Variants in LDAH observed in about 807,000 individuals in gnomAD.
LDAH encodes the protein lipid droplet-associated hydrolase.
A neutral mutation model predicts 29.6 loss-of-function variants in LDAH; 26 were observed. The observed-to-expected ratio is 0.88, with a 90% confidence interval of 0.64 to 1.22. The LOEUF is 1.22. LDAH is among the 50% of genes most tolerant of loss of function. The pLI, the probability that LDAH is intolerant of heterozygous loss-of-function variation, is 0.00. For missense variants in LDAH, 344 were observed against 387.3 expected (o/e 0.89, Z 0.94); for synonymous variants, 117 against 133.0 (o/e 0.88, Z 0.83).
intron 5 of LDAH, among the ~76,000 whole-genome samples, chr2:20,721,638 C>T (rs1665657299): frequency 6.6e-6 from 1 of 151,776 alleles, no homozygotes; most frequent in African/African-American, 2.4e-5. Flanking sequence ...CAAAAAATAA[C>T]AAATGCTGGT....
In LDAH at chr2:20,742,545, G is replaced by A. The variant is rs567327514; in HGVS notation, c.469-2340C>T. On this transcript the variant is annotated intron_variant, in intron 4 of 6. Coordinates refer to ENST00000237822, the MANE Select transcript of LDAH (RefSeq NM_021925.4). ...GGAGGACTGACCTCTTTATCATTAC[G>A]TAATTACCTTTTTTATTCTGGATAA... 1.9e-4 allele frequency among the ~76,000 whole-genome samples: 29 copies of A among 152,248 alleles called. No homozygotes were observed. In the East Asian group the frequency reaches 4.4e-3, roughly 23 times the overall value.
At position 20,775,169 on chromosome 2, in the gene LDAH, CCTTCA is replaced by C. The variant is rs367744668; in HGVS notation, c.299-195_299-191del. 1.4e-3 allele frequency among the ~76,000 whole-genome samples: 207 copies of C among 152,288 alleles called. 3 individuals are homozygous for C. In the South Asian group the frequency reaches 0.038, roughly 28 times the overall value. On this transcript the variant is annotated intron_variant, in intron 3 of 6. Coordinates refer to ENST00000237822, the MANE Select transcript of LDAH (RefSeq NM_021925.4). Reference sequence around the variant, plus strand: ...CAATTTTGGGAAGGAAACATTATAACCTTCACTTGATAGGTGAAAATCCCAATGCT... The same window carrying C: ...CAATTTTGGGAAGGAAACATTATAACCTTGATAGGTGAAAATCCCAATGCT...
intron 1 of LDAH, among the ~76,000 whole-genome samples, chr2:20,822,305 G>A (rs1434817784): frequency 6.6e-6 from 1 of 151,898 alleles, no homozygotes; most frequent in Non-Finnish European, 1.5e-5. Context: ...ATTTATTTAT[G>A]TATTTATTTT....
chr2:20,767,296 C>G (rs1209866465), intron 4 of LDAH, among the ~76,000 whole-genome samples: 3 of 152,112 alleles, frequency 2.0e-5, no homozygotes, highest in Non-Finnish European at 4.4e-5. Flanking sequence ...GGAAGTCCCC[C>G]CTCCCTTGCC....
At chr2:20,746,434 C>G (rs1667572868) in intron 4 of LDAH, among the ~76,000 whole-genome samples, 1 of 152,098 alleles carries the variant, frequency 6.6e-6, no homozygotes, top group Non-Finnish European at 1.5e-5. Context: ...TGGACCAAAA[C>G]AATAAGGAAG....
chr2:20,708,696 C>T (rs974163219), intron 5 of LDAH, among the ~76,000 whole-genome samples: 13 of 152,168 alleles, frequency 8.5e-5, no homozygotes, highest in African/African-American at 2.9e-4. Context: ...TGGATCATAG[C>T]CCTAAATGTA....
chr2:20,737,861 T>C (rs1235724355), intron 5 of LDAH, among the ~76,000 whole-genome samples: 2 of 152,100 alleles, frequency 1.3e-5, no homozygotes, highest in Admixed American at 6.6e-5. Context: ...AGGGAACAAA[T>C]TAATAATGTT....
chr2:20,768,174 G>A (rs938358112), intron 4 of LDAH, among the ~76,000 whole-genome samples: 1 of 152,196 alleles, frequency 6.6e-6, no homozygotes, highest in Non-Finnish European at 1.5e-5. Context: ...GAGTGGCGAG[G>A]CTAAAAGAGC....
chr2:20,706,701 A>T (rs1465358843), intron 5 of LDAH, among the ~76,000 whole-genome samples: 2 of 141,458 alleles, frequency 1.4e-5, no homozygotes, highest in Non-Finnish European at 3.2e-5. Context: ...ATCCTGAAAC[A>T]ACTAAAAAAA....
intron 3 of LDAH, among the ~76,000 whole-genome samples, chr2:20,782,823 G>C (rs1306433539): frequency 6.6e-6 from 1 of 151,686 alleles, no homozygotes; most frequent in Admixed American, 6.6e-5. Flanking sequence ...CAACTTCATT[G>C]ATTTGTGTTC....
intron 4 of LDAH, among the ~76,000 whole-genome samples, chr2:20,748,018 A>G (rs984753108): frequency 2.0e-5 from 3 of 152,168 alleles, no homozygotes; most frequent in African/African-American, 7.2e-5. Context: ...CAATTTTCTT[A>G]TGGTTGAACC....
chr2:20,738,778 C>T (rs1002411789), intron 5 of LDAH, among the ~76,000 whole-genome samples: 1 of 152,094 alleles, frequency 6.6e-6, no homozygotes, highest in African/African-American at 2.4e-5. Flanking sequence ...ATCAATAGGA[C>T]AAATATACTG....
chr2:20,733,300 G>A (rs1017777595), intron 5 of LDAH, among the ~76,000 whole-genome samples: 2 of 151,610 alleles, frequency 1.3e-5, no homozygotes, highest in African/African-American at 2.4e-5. Context: ...GCATGATCAT[G>A]GCTTACCGCA....
At chr2:20,814,481 G>A (rs1395692929) in intron 1 of LDAH, among the ~76,000 whole-genome samples, 1 of 152,158 alleles carries the variant, frequency 6.6e-6, no homozygotes, top group East Asian at 1.9e-4. Context: ...TTATTTTTGA[G>A]ATAGGATCTC....
intron 2 of LDAH, among the ~76,000 whole-genome samples, chr2:20,792,890 G>T (rs1671071148): frequency 6.6e-6 from 1 of 152,066 alleles, no homozygotes; most frequent in South Asian, 2.1e-4. Flanking sequence ...TGCACATTCT[G>T]CACATGTATC....
chr2:20,725,302 T>TA (rs1665934009), intron 5 of LDAH, among the ~76,000 whole-genome samples: 1 of 152,146 alleles, frequency 6.6e-6, no homozygotes, highest in South Asian at 2.1e-4. Context: ...CCCTTTAAAA[T>TA]AAAAAATACA....
intron 2 of LDAH, among the ~76,000 whole-genome samples, chr2:20,797,262 C>T (rs1052229571): frequency 4.6e-5 from 7 of 152,226 alleles, no homozygotes; most frequent in African/African-American, 1.7e-4. Context: ...ATGAAAGTAC[C>T]ATACTGAGAA....
chr2:20,689,451 T>G (rs960011200), intron 6 of LDAH, among the ~76,000 whole-genome samples: 11 of 152,206 alleles, frequency 7.2e-5, no homozygotes, highest in African/African-American at 2.7e-4. Context: ...CCTCCTGGTC[T>G]CAGCTCTTTC....
At chr2:20,766,596 G>A (rs1467082149) in intron 4 of LDAH, among the ~76,000 whole-genome samples, 1 of 152,254 alleles carries the variant, frequency 6.6e-6, no homozygotes, top group Non-Finnish European at 1.5e-5. Flanking sequence ...TGTTATTATA[G>A]CACAGTCTAC....
Sources: allele counts gnomAD v4.1 joint callset (sites outside exome capture counted in the v4.1 genomes callset), GRCh38; gene constraint gnomAD v4.1.1; transcripts MANE v1.5; gene names NCBI Gene and HGNC (gene_info 2026-07-23, HGNC 2026-07-21).